CNTNAP2: variants seen among roughly 807,000 people sequenced by gnomAD.
CNTNAP2 encodes contactin associated protein 2.
Under a neutral mutation model 155.2 loss-of-function variants are expected in CNTNAP2, and 98 were observed. That is an observed-to-expected ratio of 0.63 (90% CI 0.54 to 0.75). The LOEUF is 0.75. Ranked by LOEUF, CNTNAP2 falls within the 30% of genes least tolerant of loss-of-function variation. CNTNAP2 has a pLI of 0.00. For synonymous variants in CNTNAP2, 651 were observed against 631.2 expected (o/e 1.03, Z -0.47); for missense variants, 1,727 against 1,688.1 (o/e 1.02, Z -0.40).
chr7:148,064,096 T>C (rs1246432742), intron 15 of CNTNAP2, among the ~76,000 whole-genome samples: 1 of 152,160 alleles, frequency 6.6e-6, no homozygotes, highest in Admixed American at 6.5e-5. Flanking sequence ...TGTATACCTA[T>C]TTTTATACCA....
chr7:146,527,445 C>T (rs1797707080), intron 1 of CNTNAP2, among the ~76,000 whole-genome samples: 1 of 152,104 alleles, frequency 6.6e-6, no homozygotes, highest in Non-Finnish European at 1.5e-5. Context: ...AGCTACTATG[C>T]ATGAGACAGC....
intron 1 of CNTNAP2, among the ~76,000 whole-genome samples, chr7:146,284,652 T>C (rs1385063323): frequency 6.6e-6 from 1 of 152,232 alleles, no homozygotes; most frequent in African/African-American, 2.4e-5. Flanking sequence ...ATTTTTACTT[T>C]TTAAAAATAA....
At chr7:146,478,193 C>T (rs893522568) in intron 1 of CNTNAP2, among the ~76,000 whole-genome samples, 1 of 151,678 alleles carries the variant, frequency 6.6e-6, no homozygotes, top group African/African-American at 2.4e-5. Flanking sequence ...CCCTTTCAAG[C>T]CTGAGAGAAG....
At chr7:147,624,922 G>T (rs1340051471) in intron 12 of CNTNAP2, among the ~76,000 whole-genome samples, 1 of 152,104 alleles carries the variant, frequency 6.6e-6, no homozygotes, top group East Asian at 1.9e-4. Flanking sequence ...GTACTATTCA[G>T]CCATAAAAAG....
chr7:148,093,343 C>T (rs1191938780), intron 15 of CNTNAP2, among the ~76,000 whole-genome samples: 1 of 152,180 alleles, frequency 6.6e-6, no homozygotes, highest in Non-Finnish European at 1.5e-5. Context: ...ATGTGTTTAA[C>T]ATTTTTACAT....
At chr7:148,205,667 G>C (rs1795437263) in intron 18 of CNTNAP2, among the ~76,000 whole-genome samples, 1 of 152,128 alleles carries the variant, frequency 6.6e-6, no homozygotes, top group African/African-American at 2.4e-5. Context: ...TTTCTTTCAA[G>C]AAGCCCACTT....
intron 1 of CNTNAP2, among the ~76,000 whole-genome samples, chr7:146,284,270 A>C (rs1270657894): frequency 1.3e-5 from 2 of 152,196 alleles, no homozygotes; most frequent in African/African-American, 4.8e-5. Context: ...GGAGATGAGT[A>C]ATGTAGCGCC....
intron 9 of CNTNAP2, among the ~76,000 whole-genome samples, chr7:147,330,069 G>A (rs538458339): frequency 4.2e-4 from 64 of 152,170 alleles, no homozygotes; most frequent in East Asian, 2.3e-3. Context: ...AACTTAGGGC[G>A]AAACCCCTAG....
intron 17 of CNTNAP2, among the ~76,000 whole-genome samples, chr7:148,162,996 C>CA (rs913223493): frequency 8.6e-5 from 13 of 151,656 alleles, no homozygotes; most frequent in Admixed American, 3.9e-4. Context: ...AAAACTGTGC[C>CA]AAAAAAAATA....
At chr7:146,765,993 T>G (rs925070018) in intron 1 of CNTNAP2, among the ~76,000 whole-genome samples, 1 of 151,958 alleles carries the variant, frequency 6.6e-6, no homozygotes, top group Admixed American at 6.6e-5. Flanking sequence ...GCGCCAGAGA[T>G]ATCTTCAGGG....
At chr7:146,413,450 G>C (rs1160520994) in intron 1 of CNTNAP2, among the ~76,000 whole-genome samples, 3 of 152,158 alleles carry the variant, frequency 2.0e-5, no homozygotes, top group Non-Finnish European at 4.4e-5. Context: ...ACTATACATA[G>C]CTGGAAATAG....
intron 14 of CNTNAP2, among the ~76,000 whole-genome samples, chr7:147,934,630 G>A (rs1458973245): frequency 6.6e-6 from 1 of 152,116 alleles, no homozygotes; most frequent in African/African-American, 2.4e-5. Context: ...ATACTTCAAG[G>A]TGTTTTACCT....
intron 3 of CNTNAP2, among the ~76,000 whole-genome samples, chr7:147,025,855 T>G (rs1435120803): frequency 1.4e-5 from 2 of 141,292 alleles, no homozygotes; most frequent in Non-Finnish European, 3.1e-5. Context: ...GCTGTTGTTT[T>G]TTTTTTTTTT....
chr7:146,486,721 C>T (rs772280431), intron 1 of CNTNAP2, among the ~76,000 whole-genome samples: 9 of 152,152 alleles, frequency 5.9e-5, no homozygotes, highest in Non-Finnish European at 8.8e-5. Context: ...ATTGCCAGGA[C>T]AATCTGGAGA....
At chr7:147,546,138 A>C (rs1799725561) in intron 11 of CNTNAP2, among the ~76,000 whole-genome samples, 1 of 152,166 alleles carries the variant, frequency 6.6e-6, no homozygotes, top group South Asian at 2.1e-4. Flanking sequence ...ACATTTGCTA[A>C]TGTCTCTTTA....
chr7:147,272,485 C>A (rs551018023), intron 8 of CNTNAP2, among the ~76,000 whole-genome samples: 194 of 152,160 alleles, frequency 1.3e-3, no homozygotes, highest in Non-Finnish European at 2.4e-3. Flanking sequence ...CTATGCTTTT[C>A]TCTTGCCATG....
intron 1 of CNTNAP2, among the ~76,000 whole-genome samples, chr7:146,561,782 T>G (rs1798283147): frequency 6.6e-6 from 1 of 152,088 alleles, no homozygotes; most frequent in Non-Finnish European, 1.5e-5. Flanking sequence ...TCCTACAAAT[T>G]TTTGTTGTCG....
At chr7:146,594,076 T>C (rs1013736202) in intron 1 of CNTNAP2, among the ~76,000 whole-genome samples, 1 of 152,134 alleles carries the variant, frequency 6.6e-6, no homozygotes, top group Non-Finnish European at 1.5e-5. Context: ...ACAGAATTCC[T>C]CCTTACTTCT....
intron 1 of CNTNAP2, among the ~76,000 whole-genome samples, chr7:146,356,728 G>A (rs1195497783): frequency 6.6e-6 from 1 of 152,150 alleles, no homozygotes; most frequent in African/African-American, 2.4e-5. Context: ...GGATGGAGAA[G>A]TGGATCATGG....
Sources: gnomAD v4.1 joint callset for allele counts (sites outside exome capture counted in the v4.1 genomes callset) on GRCh38, gnomAD v4.1.1 for gene constraint, MANE v1.5 for transcripts, NCBI Gene and HGNC (gene_info 2026-07-23, HGNC 2026-07-21) for gene names.